COL22A1: variants seen among roughly 807,000 people sequenced by gnomAD.
The protein encoded by COL22A1 is collagen type XXII alpha 1 chain, also known as collagen alpha-1(XXII) chain.
COL22A1 carries 221 observed loss-of-function variants against 248.9 expected under a neutral mutation model. The observed-to-expected ratio is 0.89, with a 90% CI of 0.80 to 0.99. The LOEUF (loss-of-function observed/expected upper bound fraction) is 0.99. COL22A1 is among the 50% of genes least tolerant of loss of function. COL22A1 has a pLI of 0.00. For missense variants in COL22A1, 2,240 were observed against 2,179.0 expected, an observed-to-expected ratio of 1.03 and a Z score of -0.56; for synonymous variants, 891 against 793.4, an observed-to-expected ratio of 1.12 and a Z score of -2.07.
chr8:138,788,232 A>G (rs1204695986), intron 12 of COL22A1, among the ~76,000 whole-genome samples: 2 of 152,328 alleles, frequency 1.3e-5, no homozygotes, highest in African/African-American at 2.4e-5. Flanking sequence ...TGTTGGCTTA[A>G]CAAGTCCTCC....
rs1821069103 is a variant in COL22A1 at position 138,844,121 on chromosome 8, G to C, written c.696C>G (p.Arg232=). The C allele has an allele frequency of 6.2e-7, 1 of 1,614,020 alleles. No homozygotes were observed. Among genetic ancestry groups the C allele is most frequent in the Non-Finnish European group, 8.5e-7 (1 of 1,179,950 alleles). Reference sequence around the variant, plus strand: ...TGGTTCCTCCATTGGTGTGCTTAAAGCGATCTCCTTCTACACGAACGCTAG... The same window carrying C: ...TGGTTCCTCCATTGGTGTGCTTAAACCGATCTCCTTCTACACGAACGCTAG... The part of the protein sequence containing the change: ...LCPSVRVEGD[R]FKHTNGGTKE... The change falls in exon 4 of 65, where the codon CGC becomes CGG. Residue 232 remains arginine, a synonymous_variant. Coordinates refer to ENST00000303045, the MANE Select transcript of COL22A1 (RefSeq NM_152888.3).
intron 4 of COL22A1, among the ~76,000 whole-genome samples, chr8:138,836,529 A>G (rs949297438): frequency 3.3e-5 from 5 of 152,174 alleles, no homozygotes; most frequent in African/African-American, 1.2e-4. Flanking sequence ...TGGGTCCCTC[A>G]CCTTGAATGA....
chr8:138,786,688 G>A (rs1436280039), intron 12 of COL22A1, among the ~76,000 whole-genome samples: 4 of 152,138 alleles, frequency 2.6e-5, no homozygotes, highest in Non-Finnish European at 5.9e-5. Context: ...GGTGGATCAT[G>A]AGGTCAGGAG....
At chr8:138,765,546 T>C (rs1349279860) in intron 16 of COL22A1, among the ~76,000 whole-genome samples, 1 of 152,116 alleles carries the variant, frequency 6.6e-6, no homozygotes, top group Non-Finnish European at 1.5e-5. Context: ...CGGGCCTGAG[T>C]GACTCAGTGA....
chr8:138,737,914 A>G (rs184931390), intron 22 of COL22A1, among the ~76,000 whole-genome samples: 80 of 152,242 alleles, frequency 5.3e-4, no homozygotes, highest in African/African-American at 1.9e-3. Context: ...CTTGGAAACA[A>G]CTAATCTTAC....
At chr8:138,902,578 C>T (rs188173024) in intron 1 of COL22A1, among the ~76,000 whole-genome samples, 225 of 151,474 alleles carry the variant, frequency 1.5e-3, no homozygotes, top group African/African-American at 5.1e-3. Context: ...TGGTGGTGGG[C>T]GCCTGTAGTC....
In COL22A1 at chr8:138,878,051, G is replaced by A. The variant is rs371320801; in HGVS notation, c.357C>T (p.Asp119=). The A allele has an allele frequency of 9.9e-5, 158 of 1,594,176 alleles. No individual in the cohort carries two copies. Among genetic ancestry groups the A allele is most frequent in the Non-Finnish European group, 1.2e-4 (145 of 1,171,038 alleles). ...AYHGGNTNTG[D]ALRYITARSF... is the part of the protein sequence containing the mutation. Reference sequence around the variant, plus strand: ...TGCGGGCCGTGATGTAGCGGAGCGCGTCTCCCGTGTTGGTGTTGCCCCCGT... The same window carrying A: ...TGCGGGCCGTGATGTAGCGGAGCGCATCTCCCGTGTTGGTGTTGCCCCCGT... The change falls in exon 3 of 65, where the codon GAC becomes GAT. Residue 119 remains aspartate (D), a synonymous_variant. Coordinates refer to ENST00000303045, the MANE Select transcript of COL22A1 (RefSeq NM_152888.3).
chr8:138,853,015 C>T (rs1821757392), intron 3 of COL22A1, among the ~76,000 whole-genome samples: 1 of 148,982 alleles, frequency 6.7e-6, no homozygotes, highest in South Asian at 2.1e-4. Flanking sequence ...TATATACATG[C>T]ACATACAAAA....
chr8:138,751,501 C>A lies in COL22A1; in HGVS notation c.2042G>T (p.Gly681Val), dbSNP rs200915255. ...PGPPGARGPI[G>V]PEGRDGPPGL... ...AGGAGGTCCATCCCTGCCTTCTGGG[C>A]CTATTGGACCCTTTAGGAGGGAGAA... Residue 681 changes from glycine (G) to valine (V), a missense_variant, in exon 22 of 65, where the codon GGC (glycine) becomes GTC (valine). Coordinates refer to ENST00000303045, the MANE Select transcript of COL22A1 (RefSeq NM_152888.3). 3.1e-6 allele frequency: 5 copies of A among 1,611,128 alleles called. No homozygotes were observed. Among genetic ancestry groups the A allele is most frequent in the Middle Eastern group, 1.7e-4 (1 of 6,050 alleles).
intron 2 of COL22A1, among the ~76,000 whole-genome samples, chr8:138,882,863 A>G (rs566045887): frequency 1.3e-5 from 2 of 152,120 alleles, no homozygotes; most frequent in Non-Finnish European, 2.9e-5. Context: ...ACACTCATAC[A>G]CATACTGTCA....
chr8:138,824,476 GTCC>G (rs1252457303), intron 6 of COL22A1, among the ~76,000 whole-genome samples: 1 of 152,072 alleles, frequency 6.6e-6, no homozygotes, highest in Non-Finnish European at 1.5e-5. Context: ...CTCCTAATTT[GTCC>G]TCCTATTTCT....
At chr8:138,804,720 G>C (rs956598486) in intron 10 of COL22A1, among the ~76,000 whole-genome samples, 8 of 151,706 alleles carry the variant, frequency 5.3e-5, no homozygotes, top group African/African-American at 1.9e-4. Context: ...GTGTGATGGT[G>C]TGTGTGATGA....
intron 31 of COL22A1, among the ~76,000 whole-genome samples, chr8:138,701,070 T>C (rs1827927130): frequency 1.3e-5 from 2 of 151,624 alleles, no homozygotes. Flanking sequence ...CTGTTCCCCT[T>C]GCCTGGAACA....
chr8:138,880,179 A>T (rs1824083619), intron 2 of COL22A1, among the ~76,000 whole-genome samples: 2 of 152,272 alleles, frequency 1.3e-5, no homozygotes, highest in Non-Finnish European at 2.9e-5. Flanking sequence ...TTACTTAAAG[A>T]AAAATCATGA....
rs1367930122 is a variant in COL22A1 at position 138,812,962 on chromosome 8, A to T, written c.1303T>A (p.Cys435Ser). The T allele has an allele frequency of 5.0e-6, 8 of 1,613,714 alleles. No individual in the cohort carries two copies. The African/African-American group carries it at 1.1e-4, about 22-fold the overall frequency. The change falls in exon 8 of 65, where the codon TGT becomes AGT. Residue 435 changes from cysteine to serine, a missense_variant. Transcript: ENST00000303045. ...CDSRHAELET[C>S]CDIPSGPCQV... ...ACCGGACCCGAGGGGATATCACAAC[A>T]AGTCTCCAATTCTGCGTGTCTCGAG... is the stretch of plus-strand genomic sequence containing the variant.
At chr8:138,664,123 C>A (rs552156664) in intron 41 of COL22A1, among the ~76,000 whole-genome samples, 1 of 150,580 alleles carries the variant, frequency 6.6e-6, no homozygotes, top group Non-Finnish European at 1.5e-5. Flanking sequence ...GGCATGATAA[C>A]GACCACATTC....
intron 25 of COL22A1, 69 bp from the exon 26 acceptor site, chr8:138,722,158 T>C (rs775384704): frequency 1.4e-6 from 2 of 1,383,542 alleles, no homozygotes; most frequent in Non-Finnish European, 2.0e-6. Flanking sequence ...ATTAAGTTGT[T>C]TCAAACCAGG....
chr8:138,719,133 C>T (rs1233354036), intron 27 of COL22A1, among the ~76,000 whole-genome samples: 1 of 152,118 alleles, frequency 6.6e-6, no homozygotes, highest in Non-Finnish European at 1.5e-5. Context: ...TGCTTTCAAT[C>T]CTTTCTGGAA....
intron 1 of COL22A1, among the ~76,000 whole-genome samples, chr8:138,896,284 T>A (rs1012892608): frequency 2.6e-5 from 4 of 152,182 alleles, no homozygotes; most frequent in African/African-American, 9.7e-5. Context: ...AGTTATAGCA[T>A]CATCTGATAC....
Sources: allele counts gnomAD v4.1 joint callset (sites outside exome capture counted in the v4.1 genomes callset), GRCh38; gene constraint gnomAD v4.1.1; transcripts MANE v1.5; gene names NCBI Gene and HGNC (gene_info 2026-07-23, HGNC 2026-07-21).